Variants in TAMM41 observed in about 807,000 individuals in gnomAD.
TAMM41 encodes the protein phosphatidate cytidylyltransferase, mitochondrial.
In TAMM41, 36 loss-of-function variants were observed where a neutral mutation model predicts 44.1. The observed-to-expected ratio is 0.82, with a 90% confidence interval of 0.63 to 1.08. TAMM41 has a LOEUF of 1.08. Ranked by LOEUF, TAMM41 falls within the 50% of genes least tolerant of loss-of-function variation. The probability of loss-of-function intolerance (pLI) is 0.00; values close to 1 mark genes in which losing one functional copy is unlikely to be tolerated. For missense variants in TAMM41, 417 were observed against 404.3 expected (o/e 1.03, Z -0.27); for synonymous variants, 164 against 153.1 (o/e 1.07, Z -0.53).
Position 11,844,065 on chromosome 3 carries a change from T to C in TAMM41, c.282A>G (p.Gly94=). 6.2e-7 allele frequency: 1 copy of C among 1,614,126 alleles called. No homozygotes were observed. The part of the protein sequence containing the change: ...ITSIQNNYGA[G]VYYNSLIMCN... ...ACATGATCAATGAATTGTAGTAAAC[T>C]CCAGCGCCATAGTTATTCTGGATGG... The change falls in exon 2 of 8, where the codon GGA becomes GGG. Residue 94 remains glycine, a synonymous_variant. Transcript: ENST00000455809.
chr3:11,821,822 T>C lies in TAMM41; in HGVS notation c.563-4485A>G, dbSNP rs534935854. ...AAGTACCAGGAGCTGTGCTAGGCAA[T>C]GGAGATCCAGGTTGGGCAACCCTAA... On this transcript the variant is annotated intron_variant, in intron 4 of 7. Coordinates refer to ENST00000455809, the MANE Select transcript of TAMM41 (RefSeq NM_001284401.2). Among the ~76,000 whole-genome samples, 8 of 152,250 alleles carry C rather than the reference T, an allele frequency of 5.3e-5. 1 individual carries two copies. In the South Asian group the frequency reaches 1.5e-3, roughly 28 times the overall value.
At chr3:11,776,655 G>A in the TAMM41 span, among the ~76,000 whole-genome samples, 1 of 152,192 alleles carries the variant, frequency 6.6e-6, no homozygotes, top group Non-Finnish European at 1.5e-5. Flanking sequence ...CTCACGAGAA[G>A]AAAATTGCCT....
the TAMM41 span, among the ~76,000 whole-genome samples, chr3:11,779,623 T>G: frequency 7.0e-6 from 1 of 142,620 alleles, no homozygotes; most frequent in African/African-American, 2.7e-5. Flanking sequence ...TGCTGGTGTT[T>G]GTTGTTGGTG....
chr3:11,831,122 T>C (rs2078966940), intron 3 of TAMM41, among the ~76,000 whole-genome samples: 1 of 152,194 alleles, frequency 6.6e-6, no homozygotes, highest in African/African-American at 2.4e-5. Context: ...TCCTTGTGTG[T>C]GCTTCTCAGT....
At chr3:11,722,736 C>T in the TAMM41 span, among the ~76,000 whole-genome samples, 8 of 151,758 alleles carry the variant, frequency 5.3e-5, no homozygotes, top group Non-Finnish European at 1.2e-4. Context: ...TTTGGGAGGC[C>T]AAGGTGGGCG....
the TAMM41 span, among the ~76,000 whole-genome samples, chr3:11,759,664 T>G: frequency 1.3e-5 from 2 of 151,984 alleles, no homozygotes; most frequent in South Asian, 4.2e-4. Flanking sequence ...AACCAAATTC[T>G]ATAAATCAGG....
At chr3:11,765,497 G>A in the TAMM41 span, among the ~76,000 whole-genome samples, 2 of 152,094 alleles carry the variant, frequency 1.3e-5, no homozygotes, top group East Asian at 1.9e-4. Context: ...AGCTACAAGC[G>A]TAAAGACAGG....
the TAMM41 span, among the ~76,000 whole-genome samples, chr3:11,760,028 C>T: frequency 6.6e-6 from 1 of 152,088 alleles, no homozygotes; most frequent in African/African-American, 2.4e-5. Flanking sequence ...GAGTAGAAAA[C>T]CCACACAAAG....
the TAMM41 span, among the ~76,000 whole-genome samples, chr3:11,733,419 G>C: frequency 6.6e-6 from 1 of 152,126 alleles, no homozygotes; most frequent in Non-Finnish European, 1.5e-5. Context: ...CATAATGCTA[G>C]TAACAGCTAT....
chr3:11,846,797 T>C lies in TAMM41; in HGVS notation c.-161A>G, dbSNP rs1366218199. 13 of 868,444 alleles carry C rather than the reference T, an allele frequency of 1.5e-5. No individual in the cohort carries two copies. Among genetic ancestry groups the C allele is most frequent in the South Asian group, 3.4e-5 (2 of 58,880 alleles). The allele number at this position is 868,444 out of a possible 1,614,324, so 53.8% of individuals were successfully genotyped here. ...GTGGGACTGCAAGCACACGCAAGGA[T>C]TGGGGCGTTGGGCCACGAAGAGCAG... On this transcript the variant is annotated 5_prime_UTR_variant, in exon 1 of 8. Coordinates refer to ENST00000455809, the MANE Select transcript of TAMM41 (RefSeq NM_001284401.2).
chr3:11,726,575 G>A, the TAMM41 span, among the ~76,000 whole-genome samples: 1 of 152,224 alleles, frequency 6.6e-6, no homozygotes, highest in Admixed American at 6.5e-5. Flanking sequence ...GCTGAGGTGG[G>A]TGGATCACTT....
the TAMM41 span, among the ~76,000 whole-genome samples, chr3:11,776,480 G>C: frequency 6.6e-6 from 1 of 152,044 alleles, no homozygotes; most frequent in Admixed American, 6.6e-5. Flanking sequence ...GTGTGGACAT[G>C]TCTAGACACA....
At chr3:11,802,121 G>A (rs2077772548) in intron 7 of TAMM41, among the ~76,000 whole-genome samples, 1 of 152,164 alleles carries the variant, frequency 6.6e-6, no homozygotes, top group Non-Finnish European at 1.5e-5. Context: ...GAAAGGCTGA[G>A]GTGGGAGGAT....
chr3:11,794,124 T>C (rs895304289), intron 7 of TAMM41, among the ~76,000 whole-genome samples: 4 of 151,636 alleles, frequency 2.6e-5, no homozygotes, highest in African/African-American at 9.7e-5. Flanking sequence ...TTCTACTTGG[T>C]CTACACTAAG....
the TAMM41 span, among the ~76,000 whole-genome samples, chr3:11,735,801 G>T: frequency 6.6e-6 from 1 of 152,160 alleles, no homozygotes; most frequent in Non-Finnish European, 1.5e-5. Flanking sequence ...AGCAAAGCAC[G>T]TGTATATAAT....
chr3:11,725,180 C>CCCT, the TAMM41 span, among the ~76,000 whole-genome samples: 37,105 of 140,256 alleles, frequency 0.26, 5,456 homozygotes, highest in Middle Eastern at 0.36. Flanking sequence ...TTGTTCTCTT[C>CCCT]CCTCTTTTGC....
the TAMM41 span, among the ~76,000 whole-genome samples, chr3:11,772,071 C>CT: frequency 5.6e-4 from 82 of 147,648 alleles, no homozygotes; most frequent in African/African-American, 1.9e-3. Flanking sequence ...TTTTCTTTTT[C>CT]TTTTTTTCTT....
At chr3:11,758,614 G>C in the TAMM41 span, among the ~76,000 whole-genome samples, 1 of 152,200 alleles carries the variant, frequency 6.6e-6, no homozygotes, top group Admixed American at 6.5e-5. Flanking sequence ...GCCTCCCAAA[G>C]TGCTGGGATT....
At chr3:11,839,911 C>T (rs537028889) in intron 2 of TAMM41, among the ~76,000 whole-genome samples, 8 of 152,268 alleles carry the variant, frequency 5.3e-5, no homozygotes, top group African/African-American at 1.7e-4. Context: ...GATAACATCA[C>T]TACTGTAGAA....
Sources: gnomAD v4.1 joint callset for allele counts (sites outside exome capture counted in the v4.1 genomes callset) on GRCh38, gnomAD v4.1.1 for gene constraint, MANE v1.5 for transcripts, NCBI Gene and HGNC (gene_info 2026-07-23, HGNC 2026-07-21) for gene names.